Variants in LINGO2 observed in about 807,000 individuals in gnomAD.
LINGO2 encodes the protein leucine-rich repeat and immunoglobulin-like domain-containing nogo receptor-interacting protein 2.
A neutral mutation model predicts 30.6 loss-of-function variants in LINGO2; 14 were observed. The observed-to-expected ratio is 0.46, with a 90% CI of 0.30 to 0.72. The LOEUF is 0.72. Ranked by LOEUF, LINGO2 falls within the 30% of genes least tolerant of loss-of-function variation. The probability of loss-of-function intolerance (pLI) is 0.07; values close to 1 mark genes in which losing one functional copy is unlikely to be tolerated. For missense variants in LINGO2, 729 were observed against 751.7 expected (o/e 0.97, Z 0.35); for synonymous variants, 317 against 288.5 (o/e 1.10, Z -1.00).
At chr9:27,973,742 T>A (rs945493013) in intron 5 of LINGO2, among the ~76,000 whole-genome samples, 2 of 152,106 alleles carry the variant, frequency 1.3e-5, no homozygotes, top group African/African-American at 4.8e-5. Context: ...ACTTGAAGAT[T>A]CTAGTATTGC....
intron 4 of LINGO2, among the ~76,000 whole-genome samples, chr9:28,276,391 T>C (rs6476052): frequency 0.98 from 149,469 of 152,230 alleles, 73,439 homozygotes; most frequent in Middle Eastern, 1. Flanking sequence ...AATCTAAATC[T>C]AGTTAAGAAA....
At chr9:28,224,643 T>C (rs1408585125) in intron 4 of LINGO2, among the ~76,000 whole-genome samples, 1 of 152,146 alleles carries the variant, frequency 6.6e-6, no homozygotes, top group Non-Finnish European at 1.5e-5. Flanking sequence ...ATTTTTCCTC[T>C]CTTTATCTTT....
chr9:28,438,926 C>CTATT (rs66530762), intron 2 of LINGO2, among the ~76,000 whole-genome samples: 43,936 of 130,330 alleles, frequency 0.34, 7,710 homozygotes, highest in Admixed American at 0.41. Flanking sequence ...AAATATATAT[C>CTATT]TATACATTAT....
chr9:28,159,336 T>TA (rs890783106), intron 4 of LINGO2, among the ~76,000 whole-genome samples: 1 of 152,190 alleles, frequency 6.6e-6, no homozygotes, highest in Non-Finnish European at 1.5e-5. Flanking sequence ...TCTCCTTAGC[T>TA]AAAAAATGTA....
At chr9:28,413,731 A>C (rs1167434068) in intron 2 of LINGO2, among the ~76,000 whole-genome samples, 1 of 152,104 alleles carries the variant, frequency 6.6e-6, no homozygotes, top group African/African-American at 2.4e-5. Flanking sequence ...CCTGCTGTGC[A>C]GGTGGAGCTT....
chr9:29,058,741 C>T, the LINGO2 span, among the ~76,000 whole-genome samples: 1 of 151,668 alleles, frequency 6.6e-6, no homozygotes, highest in Non-Finnish European at 1.5e-5. Context: ...AAACCAAATA[C>T]AGGGAAGGAA....
At chr9:28,225,190 A>C (rs1821105552) in intron 4 of LINGO2, among the ~76,000 whole-genome samples, 1 of 152,210 alleles carries the variant, frequency 6.6e-6, no homozygotes, top group African/African-American at 2.4e-5. Context: ...AAAGGGGGCC[A>C]GTAAATGAGA....
At chr9:28,007,189 A>G (rs1352664931) in intron 5 of LINGO2, among the ~76,000 whole-genome samples, 1 of 152,192 alleles carries the variant, frequency 6.6e-6, no homozygotes, top group Non-Finnish European at 1.5e-5. Flanking sequence ...ACTCCTTAAT[A>G]TAAGAAACAA....
At chr9:28,717,790 T>C in the LINGO2 span, among the ~76,000 whole-genome samples, 1 of 151,980 alleles carries the variant, frequency 6.6e-6, no homozygotes, top group Non-Finnish European at 1.5e-5. Context: ...TAGTGGGAAA[T>C]TTTTCAGGTG....
chr9:28,904,365 T>C, the LINGO2 span, among the ~76,000 whole-genome samples: 1 of 151,966 alleles, frequency 6.6e-6, no homozygotes, highest in African/African-American at 2.4e-5. Flanking sequence ...CTAGAACAAT[T>C]AGCAAGAGAA....
chr9:27,938,337 C>G, the LINGO2 span: 1 of 152,158 alleles, frequency 6.6e-6, no homozygotes, highest in Non-Finnish European at 1.5e-5. Context: ...TCAATGATAT[C>G]TAGTTACTCT....
At chr9:28,537,479 T>G (rs1285661249) in intron 1 of LINGO2, among the ~76,000 whole-genome samples, 6 of 152,078 alleles carry the variant, frequency 3.9e-5, no homozygotes, top group Non-Finnish European at 7.4e-5. Context: ...GGACTTTGAC[T>G]GTGGTAAACA....
At chr9:29,165,120 C>A in the LINGO2 span, among the ~76,000 whole-genome samples, 1 of 152,000 alleles carries the variant, frequency 6.6e-6, no homozygotes, top group Non-Finnish European at 1.5e-5. Context: ...TTTTTCAATT[C>A]TTGTATTATA....
intron 1 of LINGO2, among the ~76,000 whole-genome samples, chr9:28,601,463 G>A (rs1046091943): frequency 6.6e-6 from 1 of 151,650 alleles, no homozygotes; most frequent in Non-Finnish European, 1.5e-5. Flanking sequence ...GCTTGATGAA[G>A]GGGGGACTGG....
At position 28,148,579 on chromosome 9, in the gene LINGO2, T is replaced by C. The variant is rs1445149416; in HGVS notation, c.-86-136174A>G. 8.0e-6 allele frequency: 12 copies of C among 1,507,066 alleles called. No homozygotes were observed. The highest frequency in any genetic ancestry group is 1.1e-5 in the Non-Finnish European group (12 of 1,121,940). The allele number at this position is 1,507,066 out of a possible 1,614,324, so 93.4% of individuals were successfully genotyped here. ...CCCTGGAGACTCAGGGAAACTTCAC[T>C]TCCTCCTGGTACAATCCCAGGCCCT... On this transcript the variant is annotated intron_variant, in intron 4 of 5. Coordinates refer to ENST00000379992, the Ensembl canonical transcript of LINGO2. The surrounding 1 kb of genome is among the most constrained non-coding windows in gnomAD (Gnocchi z 5.1).
the LINGO2 span, among the ~76,000 whole-genome samples, chr9:28,783,161 G>C: frequency 6.6e-6 from 1 of 152,114 alleles, no homozygotes; most frequent in Non-Finnish European, 1.5e-5. Context: ...CTTAAGCTAA[G>C]ATGTGTTGAA....
intron 4 of LINGO2, among the ~76,000 whole-genome samples, chr9:28,174,898 C>CTCTCTG (rs139070322): frequency 1.4e-5 from 2 of 141,010 alleles, no homozygotes; most frequent in African/African-American, 5.4e-5. Flanking sequence ...ATTTGTGTCT[C>CTCTCTG]TGTGTGTGTG....
At chr9:29,197,304 C>A in the LINGO2 span, among the ~76,000 whole-genome samples, 1 of 151,940 alleles carries the variant, frequency 6.6e-6, no homozygotes, top group Non-Finnish European at 1.5e-5. Flanking sequence ...AAAACCTATT[C>A]AAAATCTTGT....
the LINGO2 span, among the ~76,000 whole-genome samples, chr9:29,193,083 G>A: frequency 6.6e-6 from 1 of 152,108 alleles, no homozygotes; most frequent in Non-Finnish European, 1.5e-5. Context: ...ACCTTTTTCT[G>A]GGGGTAGGTG....
Sources: allele counts gnomAD v4.1 joint callset (sites outside exome capture counted in the v4.1 genomes callset), GRCh38; gene constraint gnomAD v4.1.1; non-coding constraint Gnocchi (gnomAD v3.1); transcripts MANE v1.5; gene names NCBI Gene and HGNC (gene_info 2026-07-23, HGNC 2026-07-21).